Variants in SGSM1 observed in about 807,000 individuals in gnomAD.
SGSM1 encodes small G protein signaling modulator 1, also known as RUN and TBC1 domain containing 2.
A neutral mutation model predicts 133.8 loss-of-function variants in SGSM1; 73 were observed. The observed-to-expected ratio is 0.55, with a 90% CI of 0.45 to 0.66. The LOEUF (loss-of-function observed/expected upper bound fraction) is 0.66, where lower values mean the gene tolerates loss of function less well. Ranked by LOEUF, SGSM1 falls within the 30% of genes least tolerant of loss-of-function variation. SGSM1 has a pLI of 0.00. For missense variants in SGSM1, 1,213 were observed against 1,448.1 expected (o/e 0.84, Z 2.64); for synonymous variants, 563 against 573.0 (o/e 0.98, Z 0.25).
Position 24,924,447 on chromosome 22 carries a change from G to A in SGSM1, c.*173G>A. On this transcript the variant is annotated 3_prime_UTR_variant, in exon 25 of 25. Transcript: ENST00000400358. Reference sequence around the variant, plus strand: ...ACTTTTACTTCTGGGCAGATGGGGTGGAGGGAGTACCCCTTCAATTCAGCC... The same window carrying A: ...ACTTTTACTTCTGGGCAGATGGGGTAGAGGGAGTACCCCTTCAATTCAGCC... 1 of 609,888 alleles carries A rather than the reference G, an allele frequency of 1.6e-6. No individual in the cohort carries two copies. The highest frequency in any genetic ancestry group is 2.9e-6 in the Non-Finnish European group (1 of 340,862). The allele number at this position is 609,888 out of a possible 1,614,324, so 37.8% of individuals were successfully genotyped here.
chr22:24,837,581 C>CG (rs1555922687), intron 2 of SGSM1, among the ~76,000 whole-genome samples: 2 of 65,922 alleles, frequency 3.0e-5, no homozygotes, highest in Admixed American at 2.4e-4. Flanking sequence ...AAGGGAGACC[C>CG]CCCCCCCCCC....
chr22:24,864,289 T>C (rs1390416806), intron 9 of SGSM1, among the ~76,000 whole-genome samples: 7 of 152,192 alleles, frequency 4.6e-5, no homozygotes, highest in African/African-American at 1.4e-4. Context: ...CCCCTTACCT[T>C]GTGACCCAGC....
At chr22:24,897,466 T>C (rs1327003781) in intron 18 of SGSM1, among the ~76,000 whole-genome samples, 1 of 152,182 alleles carries the variant, frequency 6.6e-6, no homozygotes, top group Non-Finnish European at 1.5e-5. Context: ...CATAGATCAC[T>C]TTTTTATTGC....
chr22:24,816,106 A>T (rs1182902302), intron 2 of SGSM1, among the ~76,000 whole-genome samples: 1 of 152,200 alleles, frequency 6.6e-6, no homozygotes, highest in Non-Finnish European at 1.5e-5. Context: ...GTAAATTAGA[A>T]TTGTAGCAAC....
chr22:24,866,541 T>C (rs1931469301), intron 9 of SGSM1, among the ~76,000 whole-genome samples: 2 of 152,188 alleles, frequency 1.3e-5, no homozygotes, highest in African/African-American at 4.8e-5. Context: ...GCTTCAGGCA[T>C]GGATGGATCC....
At chr22:24,862,252 C>T (rs1228465547) in intron 9 of SGSM1, among the ~76,000 whole-genome samples, 1 of 152,028 alleles carries the variant, frequency 6.6e-6, no homozygotes, top group Non-Finnish European at 1.5e-5. Flanking sequence ...ACCCGGCCAC[C>T]CAGAGTCTAG....
At chr22:24,808,148 C>T (rs1927525270) in intron 2 of SGSM1, among the ~76,000 whole-genome samples, 1 of 141,120 alleles carries the variant, frequency 7.1e-6, no homozygotes, top group South Asian at 2.3e-4. Context: ...GAGTCTCGCT[C>T]TGTTGCCCAG....
intron 8 of SGSM1, among the ~76,000 whole-genome samples, chr22:24,858,316 C>G (rs1292243767): frequency 1.3e-5 from 2 of 152,114 alleles, no homozygotes; most frequent in Non-Finnish European, 2.9e-5. Flanking sequence ...TATTTGGTTG[C>G]TTTGCAAGAA....
At chr22:24,821,678 C>G (rs1318223737) in intron 2 of SGSM1, among the ~76,000 whole-genome samples, 1 of 152,190 alleles carries the variant, frequency 6.6e-6, no homozygotes, top group African/African-American at 2.4e-5. Context: ...GTCGGGATCC[C>G]TGCTAACATC....
intron 21 of SGSM1, among the ~76,000 whole-genome samples, chr22:24,906,173 A>C (rs901453991): frequency 3.9e-5 from 6 of 152,236 alleles, no homozygotes; most frequent in Admixed American, 2.6e-4. Context: ...CCACACAATC[A>C]TATCAATTGA....
In SGSM1 at chr22:24,855,576, A is replaced by G. The variant is rs959657409; in HGVS notation, c.697A>G (p.Met233Val). Reference sequence around the variant, plus strand: ...CCAGAAGAGGCATTCCAGTGGCAGCATGGATGACCGGCCATCCCTCTCTGC... The same window carrying G: ...CCAGAAGAGGCATTCCAGTGGCAGCGTGGATGACCGGCCATCCCTCTCTGC... ...CIQKRHSSGS[M>V]DDRPSLSARD... Residue 233 changes from methionine to valine, a missense_variant, in exon 8 of 25, where the codon ATG becomes GTG. Met to Val is a conservative substitution (Grantham distance 21). Coordinates refer to ENST00000400358, the MANE Select transcript of SGSM1 (RefSeq NM_001098497.3). The G allele has an allele frequency of 1.9e-6, 3 of 1,613,870 alleles. No homozygotes were observed. The highest frequency in any genetic ancestry group is 2.5e-6 in the Non-Finnish European group (3 of 1,179,858).
At chr22:24,917,583 C>A in intron 22 of SGSM1, 75 bp from the exon 23 acceptor site, 2 of 1,047,284 alleles carry the variant, frequency 1.9e-6, no homozygotes, top group South Asian at 1.4e-5. Context: ...TGTGGATGTA[C>A]CACCATTTAT....
At chr22:24,838,647 G>A (rs1315527083) in intron 2 of SGSM1, among the ~76,000 whole-genome samples, 2 of 152,024 alleles carry the variant, frequency 1.3e-5, no homozygotes, top group African/African-American at 2.4e-5. Flanking sequence ...TCTTTGAATG[G>A]GCATGACACC....
chr22:24,814,544 G>T (rs191957295), intron 2 of SGSM1, among the ~76,000 whole-genome samples: 2 of 152,024 alleles, frequency 1.3e-5, no homozygotes, highest in Non-Finnish European at 2.9e-5. Flanking sequence ...AGAGTGTGGG[G>T]TCAGGGAGAA....
At position 24,847,666 on chromosome 22, in the gene SGSM1, C is replaced by A; in HGVS notation, c.172C>A (p.Arg58=). ...GGAGGCCTGCGTTCTGCACGGGCTT[C>A]GGCGGCGGGCGGCTGGCTTCCTACG... ...AVEACVLHGL[R]RRAAGFLRSN... The change falls in exon 4 of 25, where the codon CGG becomes AGG. Residue 58 remains arginine, a synonymous_variant. Transcript: ENST00000400358. 2 of 1,613,706 alleles carry A rather than the reference C, an allele frequency of 1.2e-6. No homozygotes were observed. Among genetic ancestry groups the A allele is most frequent in the Non-Finnish European group, 1.7e-6 (2 of 1,179,838 alleles).
intron 2 of SGSM1, among the ~76,000 whole-genome samples, chr22:24,822,984 C>T (rs944092155): frequency 6.6e-6 from 1 of 152,168 alleles, no homozygotes; most frequent in African/African-American, 2.4e-5. Context: ...GAGAAACACC[C>T]ATAGGTGTCT....
At chr22:24,835,554 G>A (rs938920912) in intron 2 of SGSM1, among the ~76,000 whole-genome samples, 5 of 152,142 alleles carry the variant, frequency 3.3e-5, no homozygotes, top group Admixed American at 1.3e-4. Flanking sequence ...GGGGTATGTT[G>A]GGTACCAAGT....
intron 2 of SGSM1, among the ~76,000 whole-genome samples, chr22:24,841,423 C>T (rs1016433667): frequency 3.3e-5 from 5 of 152,220 alleles, no homozygotes. Flanking sequence ...GAAAAGTGGG[C>T]ATCCTGCCAT....
chr22:24,921,057 A>G (rs967842580), intron 24 of SGSM1, among the ~76,000 whole-genome samples: 10 of 151,286 alleles, frequency 6.6e-5, no homozygotes, highest in African/African-American at 2.4e-4. Context: ...ATCCACTTGT[A>G]TATGCCTTTT....
Sources: gnomAD v4.1 joint callset for allele counts (sites outside exome capture counted in the v4.1 genomes callset) on GRCh38, gnomAD v4.1.1 for gene constraint, MANE v1.5 for transcripts, NCBI Gene and HGNC (gene_info 2026-07-23, HGNC 2026-07-21) for gene names.